Variants in CDH18 observed in about 807,000 individuals in gnomAD.
The protein encoded by CDH18 is cadherin-18.
In CDH18, 31 loss-of-function variants were observed where a neutral mutation model predicts 67.9. The ratio of observed to expected loss-of-function variants is 0.46; its 90% CI spans 0.34 to 0.62. The LOEUF is 0.62. CDH18 is among the 20% of genes least tolerant of loss of function. CDH18 has a pLI of 0.01. For synonymous variants in CDH18, 362 were observed against 347.2 expected (o/e 1.04, Z -0.48); for missense variants, 890 against 975.5 (o/e 0.91, Z 1.17).
At chr5:20,406,943 T>C (rs1746321917) in intron 1 of CDH18, among the ~76,000 whole-genome samples, 1 of 152,170 alleles carries the variant, frequency 6.6e-6, no homozygotes, top group Non-Finnish European at 1.5e-5. Context: ...TGCAGCATTA[T>C]ATAATAAGGA....
At chr5:20,304,834 C>A (rs1179589586) in intron 1 of CDH18, 1 of 1,611,428 alleles carries the variant, frequency 6.2e-7, no homozygotes, top group East Asian at 2.2e-5. Context: ...TTCAGAATTC[C>A]TGCCACTGTT....
At chr5:20,444,832 A>G (rs1308988849) in intron 1 of CDH18, among the ~76,000 whole-genome samples, 1 of 151,924 alleles carries the variant, frequency 6.6e-6, no homozygotes, top group African/African-American at 2.4e-5. Flanking sequence ...TTTTATAAAA[A>G]GAAAATAAAT....
chr5:19,473,401 T>G lies in CDH18; in HGVS notation c.2198A>C (p.Asp733Ala). ...ADLDPSVPPY[D>A]SLQTYAYEGQ... The stretch of plus-strand genomic sequence containing the variant: ...CTCATAGGCATAAGTCTGAAGAGAG[T>G]CATAAGGGGGAACGCTAGGGTCTAG... Residue 733 changes from aspartate to alanine, a missense_variant, in exon 13 of 13, where the codon GAC becomes GCC. Physicochemically the swap from Asp to Ala is moderately radical, Grantham distance 126. Around this residue, in one of 2 missense-constraint regions of CDH18, gnomAD observed 656 missense variants for 668.1 expected, o/e 0.98. Transcript: ENST00000382275. The G allele has an allele frequency of 3.1e-6, 5 of 1,613,556 alleles. No individual in the cohort carries two copies. Among genetic ancestry groups the G allele is most frequent in the Non-Finnish European group, 4.2e-6 (5 of 1,179,828 alleles).
chr5:20,015,479 G>A (rs1737800906), intron 2 of CDH18, among the ~76,000 whole-genome samples: 1 of 152,080 alleles, frequency 6.6e-6, no homozygotes, highest in Admixed American at 6.6e-5. Context: ...TTGCAGCCTA[G>A]AAAAACTTAG....
In CDH18 at chr5:20,100,893, T is replaced by C. The variant is rs145857762; in HGVS notation, c.-517-108879A>G. Among the ~76,000 whole-genome samples the C allele has an allele frequency of 3.4e-3, 512 of 152,286 alleles. 1 individual carries two copies. Among genetic ancestry groups the C allele is most frequent in the Non-Finnish European group, 4.6e-3 (312 of 68,038 alleles). ...ATATTTAAGTTTTTAATTATATCTC[T>C]CATTGGGAGAATACATGTATATTTT... On this transcript the variant is annotated intron_variant, in intron 2 of 14. Coordinates refer to the CDH18 transcript ENST00000507958.
At chr5:20,007,670 A>C in intron 2 of CDH18, among the ~76,000 whole-genome samples, 1 of 100,830 alleles carries the variant, frequency 9.9e-6, no homozygotes, top group East Asian at 3.0e-4. Context: ...CAGTGTGTGG[A>C]AAGTGTGTGT....
At chr5:20,161,010 A>G (rs527769604) in intron 2 of CDH18, among the ~76,000 whole-genome samples, 1 of 152,264 alleles carries the variant, frequency 6.6e-6, no homozygotes, top group African/African-American at 2.4e-5. Context: ...GTTTGTTCAC[A>G]TACTGACTGT....
At chr5:19,939,516 T>C (rs1794617390) in intron 2 of CDH18, among the ~76,000 whole-genome samples, 1 of 151,790 alleles carries the variant, frequency 6.6e-6, no homozygotes, top group African/African-American at 2.4e-5. Context: ...AAAAAGTGTC[T>C]AATTTTTTAT....
chr5:20,157,159 G>A (rs1034638395), intron 2 of CDH18, among the ~76,000 whole-genome samples: 7 of 152,100 alleles, frequency 4.6e-5, no homozygotes, highest in Admixed American at 6.6e-5. Context: ...AATGGTATAC[G>A]ATTTAAAGTT....
At chr5:20,363,542 C>T (rs1185516746) in intron 1 of CDH18, among the ~76,000 whole-genome samples, 1 of 149,844 alleles carries the variant, frequency 6.7e-6, no homozygotes, top group African/African-American at 2.5e-5. Flanking sequence ...GACACTTTAG[C>T]TCCACCTTTG....
chr5:19,703,818 C>G (rs1323006144), intron 5 of CDH18, among the ~76,000 whole-genome samples: 1 of 148,158 alleles, frequency 6.7e-6, no homozygotes, highest in Non-Finnish European at 1.5e-5. Flanking sequence ...AGCTATTAAT[C>G]AATATGGACT....
In CDH18 at chr5:20,460,020, C is replaced by G. The variant is rs113175349; in HGVS notation, c.-580+115442G>C. 3.7e-4 allele frequency among the ~76,000 whole-genome samples: 56 copies of G among 152,220 alleles called. 1 individual carries two copies. The highest frequency in any genetic ancestry group is 1.3e-3 in the African/African-American group (55 of 41,542). The stretch of plus-strand genomic sequence containing the variant: ...CCTCAGTCTTGCTTCATCATCCAGA[C>G]CCCTGGTCTTTAAAATAAACCAATG... On this transcript the variant is annotated intron_variant, in intron 1 of 14. Transcript: ENST00000507958.
chr5:20,331,252 T>A (rs1739145454), intron 1 of CDH18: 1 of 152,192 alleles, frequency 6.6e-6, no homozygotes, highest in South Asian at 2.1e-4. Flanking sequence ...TATTTGACCT[T>A]TTTGCATAAC....
At chr5:20,167,360 A>C (rs1010485357) in intron 2 of CDH18, among the ~76,000 whole-genome samples, 1 of 152,032 alleles carries the variant, frequency 6.6e-6, no homozygotes, top group African/African-American at 2.4e-5. Context: ...TAAGATCGGG[A>C]TTTTGATCGG....
chr5:20,197,384 T>G lies in CDH18; in HGVS notation c.-518+58060A>C, dbSNP rs1469828402. The stretch of plus-strand genomic sequence containing the variant: ...TAAATGAATACAATGTTCTAGACAA[T>G]GAATCAAAATATATGAAGACAAATA... On this transcript the variant is annotated intron_variant, in intron 2 of 14. Transcript: ENST00000507958. 2.0e-5 allele frequency among the ~76,000 whole-genome samples: 3 copies of G among 152,204 alleles called. No individual in the cohort carries two copies. The South Asian group carries it at 6.2e-4, about 32-fold the overall frequency.
At chr5:19,933,632 C>A (rs1170257747) in intron 2 of CDH18, among the ~76,000 whole-genome samples, 1 of 151,508 alleles carries the variant, frequency 6.6e-6, no homozygotes, top group Non-Finnish European at 1.5e-5. Context: ...AGATCAGCAA[C>A]CTCCATTGTT....
At chr5:19,752,368 G>T (rs1479773896) in intron 3 of CDH18, among the ~76,000 whole-genome samples, 1 of 152,074 alleles carries the variant, frequency 6.6e-6, no homozygotes, top group Admixed American at 6.6e-5. Flanking sequence ...CAGCCCTTTG[G>T]ATTGTGTGGG....
At chr5:19,876,910 A>AT (rs1787072175) in intron 2 of CDH18, among the ~76,000 whole-genome samples, 1 of 152,094 alleles carries the variant, frequency 6.6e-6, no homozygotes, top group Admixed American at 6.6e-5. Context: ...TGTGGAAATG[A>AT]TTAAGTCACT....
intron 1 of CDH18, among the ~76,000 whole-genome samples, chr5:20,559,657 A>T (rs1339704148): frequency 6.6e-6 from 1 of 152,096 alleles, no homozygotes; most frequent in East Asian, 1.9e-4. Context: ...TTTACATTTT[A>T]AACTAATAGA....
Sources: gnomAD v4.1 joint callset for allele counts (sites outside exome capture counted in the v4.1 genomes callset) on GRCh38, gnomAD v4.1.1 for gene constraint, gnomAD v4.1.1 regional missense constraint, MANE v1.5 for transcripts, NCBI Gene and HGNC (gene_info 2026-07-23, HGNC 2026-07-21) for gene names.